ADGRB3: variants seen among roughly 807,000 people sequenced by gnomAD.
ADGRB3 encodes the protein brain-specific angiogenesis inhibitor 3.
Under a neutral mutation model 193.4 loss-of-function variants are expected in ADGRB3, and 37 were observed. The ratio of observed to expected loss-of-function variants is 0.19; its 90% CI spans 0.15 to 0.25. The LOEUF (loss-of-function observed/expected upper bound fraction) is 0.25, where lower values mean the gene tolerates loss of function less well. Ranked by LOEUF, ADGRB3 falls within the 10% of genes least tolerant of loss-of-function variation. The pLI, the probability that ADGRB3 is intolerant of heterozygous loss-of-function variation, is 1.00. For synonymous variants in ADGRB3, 690 were observed against 644.2 expected (o/e 1.07, Z -1.08); for missense variants, 1,637 against 1,852.9 (o/e 0.88, Z 2.14).
Position 68,842,408 on chromosome 6 carries a change from A to C in ADGRB3, c.758-88151A>C, listed in dbSNP as rs62418575. On this transcript the variant is annotated intron_variant, in intron 3 of 31. Coordinates refer to ENST00000370598, the MANE Select transcript of ADGRB3 (RefSeq NM_001704.3). ...GGAACTATATAACTATACACCTATA[A>C]ATTGGAAGACCTAGAAGAAATGAAT... Among the ~76,000 whole-genome samples, 267 of 152,112 alleles carry C rather than the reference A, an allele frequency of 1.8e-3. 1 individual carries two copies. Among genetic ancestry groups the C allele is most frequent in the Non-Finnish European group, 3.1e-3 (211 of 67,908 alleles).
intron 3 of ADGRB3, among the ~76,000 whole-genome samples, chr6:68,868,963 T>C (rs945809516): frequency 7.7e-5 from 11 of 142,544 alleles, no homozygotes; most frequent in African/African-American, 1.1e-4. Flanking sequence ...TTAAACTTAA[T>C]CTTAGCATCC....
intron 11 of ADGRB3, among the ~76,000 whole-genome samples, chr6:69,006,771 G>A (rs75026916): frequency 0.076 from 11,603 of 152,050 alleles, 543 homozygotes; most frequent in Non-Finnish European, 0.11. Flanking sequence ...GCTTTCCAAA[G>A]TGCTGGGATG....
At chr6:69,356,164 G>A (rs1769334061) in intron 28 of ADGRB3, among the ~76,000 whole-genome samples, 1 of 152,110 alleles carries the variant, frequency 6.6e-6, no homozygotes, top group Non-Finnish European at 1.5e-5. Flanking sequence ...TATACCATAG[G>A]GAAAGGGGAA....
chr6:68,768,666 G>A (rs947139745), intron 3 of ADGRB3, among the ~76,000 whole-genome samples: 1 of 152,088 alleles, frequency 6.6e-6, no homozygotes, highest in African/African-American at 2.4e-5. Flanking sequence ...AAAAGCAATG[G>A]CAACAAAAGC....
intron 17 of ADGRB3, among the ~76,000 whole-genome samples, chr6:69,077,805 A>T (rs1437498011): frequency 6.6e-6 from 1 of 152,016 alleles, no homozygotes; most frequent in African/African-American, 2.4e-5. Context: ...GTTGTCTTTC[A>T]AAGAAGATAA....
chr6:68,844,361 A>G (rs999510300), intron 3 of ADGRB3, among the ~76,000 whole-genome samples: 1 of 152,200 alleles, frequency 6.6e-6, no homozygotes, highest in Admixed American at 6.5e-5. Context: ...AAAATGGGTA[A>G]AAGATATGAA....
chr6:68,675,722 C>A (rs767671180), intron 3 of ADGRB3, among the ~76,000 whole-genome samples: 24 of 152,120 alleles, frequency 1.6e-4, no homozygotes, highest in Non-Finnish European at 3.2e-4. Flanking sequence ...CTCCAGTTAC[C>A]TTCCCCTGTA....
chr6:68,663,597 G>T (rs1038557845), intron 3 of ADGRB3, among the ~76,000 whole-genome samples: 2 of 151,726 alleles, frequency 1.3e-5, no homozygotes, highest in South Asian at 2.1e-4. Flanking sequence ...TAATATGAAA[G>T]AAATATTTTG....
At chr6:69,006,929 AT>A (rs1324549594) in intron 11 of ADGRB3, among the ~76,000 whole-genome samples, 13 of 151,444 alleles carry the variant, frequency 8.6e-5, no homozygotes, top group African/African-American at 2.2e-4. Context: ...ATAATCTTAA[AT>A]TTTTTTTTGA....
rs67541326 is a variant in ADGRB3, at chr6:69,304,098, TA to T, written c.2815-20766del. Reference sequence around the variant, plus strand: ...TCAACCAAAATACAAGGGTTTTTTTTAAAAAAAAGAGGTTATATAATTATTT... The same window carrying T: ...TCAACCAAAATACAAGGGTTTTTTTTAAAAAAAGAGGTTATATAATTATTT... On this transcript the variant is annotated intron_variant, in intron 20 of 31. Transcript: ENST00000370598. 5.8e-4 allele frequency among the ~76,000 whole-genome samples: 87 copies of T among 150,896 alleles called. 1 individual carries two copies. The highest frequency in any genetic ancestry group is 1.7e-3 in the South Asian group (8 of 4,802).
intron 17 of ADGRB3, among the ~76,000 whole-genome samples, chr6:69,213,780 A>G (rs1765715151): frequency 2.0e-5 from 3 of 152,210 alleles, no homozygotes; most frequent in Non-Finnish European, 1.5e-5. Context: ...GATTAGATAG[A>G]TGGATCAATA....
chr6:69,373,441 G>A (rs1447218607), intron 30 of ADGRB3, among the ~76,000 whole-genome samples: 1 of 151,886 alleles, frequency 6.6e-6, no homozygotes, highest in African/African-American at 2.4e-5. Flanking sequence ...AAGGATAATT[G>A]GTTCTTTTCA....
chr6:68,782,878 T>C (rs566768762), intron 3 of ADGRB3, among the ~76,000 whole-genome samples: 227 of 152,198 alleles, frequency 1.5e-3, no homozygotes, highest in Non-Finnish European at 2.8e-3. Context: ...ATATTAGCCC[T>C]TTGTCAGATG....
chr6:69,227,008 G>T (rs1294152264), intron 17 of ADGRB3, among the ~76,000 whole-genome samples: 2 of 152,180 alleles, frequency 1.3e-5, no homozygotes, highest in African/African-American at 4.8e-5. Context: ...AATAGACTCC[G>T]TCTCTTGATG....
At chr6:68,701,516 G>A (rs529390605) in intron 3 of ADGRB3, among the ~76,000 whole-genome samples, 2 of 152,304 alleles carry the variant, frequency 1.3e-5, no homozygotes, top group Admixed American at 6.5e-5. Context: ...TTCTTGTGAT[G>A]TATATATCTT....
chr6:68,756,878 G>C (rs2127349421), intron 3 of ADGRB3, among the ~76,000 whole-genome samples: 1 of 152,192 alleles, frequency 6.6e-6, no homozygotes, highest in South Asian at 2.1e-4. Flanking sequence ...CATAACATGT[G>C]CCTTCCATTT....
intron 3 of ADGRB3, among the ~76,000 whole-genome samples, chr6:68,800,696 G>C (rs532239196): frequency 6.6e-6 from 1 of 152,286 alleles, no homozygotes; most frequent in South Asian, 2.1e-4. Context: ...TGTAGGCTAA[G>C]TATTGAGATT....
At chr6:68,867,453 T>A (rs1054693900) in intron 3 of ADGRB3, among the ~76,000 whole-genome samples, 3 of 152,060 alleles carry the variant, frequency 2.0e-5, no homozygotes, top group Non-Finnish European at 4.4e-5. Context: ...GCTTCAGGAG[T>A]GGAGCCCTCA....
At chr6:68,998,946 A>T (rs1410536010) in intron 11 of ADGRB3, among the ~76,000 whole-genome samples, 2 of 152,162 alleles carry the variant, frequency 1.3e-5, no homozygotes, top group Non-Finnish European at 2.9e-5. Context: ...TGGCTTAGAC[A>T]ATATCACCTA....
Sources: gnomAD v4.1 joint callset for allele counts (sites outside exome capture counted in the v4.1 genomes callset) on GRCh38, gnomAD v4.1.1 for gene constraint, MANE v1.5 for transcripts, NCBI Gene and HGNC (gene_info 2026-07-23, HGNC 2026-07-21) for gene names.